ARHGAP8: variants seen among roughly 807,000 people sequenced by gnomAD.
ARHGAP8 encodes rho GTPase-activating protein 8.
ARHGAP8 carries 62 observed loss-of-function variants against 46.1 expected under a neutral mutation model. The observed-to-expected ratio is 1.34, with a 90% CI of 1.10 to 1.66. ARHGAP8 has a LOEUF of 1.66. ARHGAP8 is among the 40% of genes most tolerant of loss of function. The probability of loss-of-function intolerance (pLI) is 0.00; values close to 1 mark genes in which losing one functional copy is unlikely to be tolerated. For synonymous variants in ARHGAP8, 375 were observed against 243.1 expected (o/e 1.54, Z -5.05); for missense variants, 923 against 568.4 (o/e 1.62, Z -6.34).
intron 1 of ARHGAP8, among the ~76,000 whole-genome samples, chr22:44,755,263 C>CTG (rs1170446169): frequency 6.6e-6 from 1 of 152,258 alleles, no homozygotes; most frequent in Non-Finnish European, 1.5e-5. Flanking sequence ...CCCACACACA[C>CTG]TGTGCTGAGC....
chr22:44,848,946 T>G lies in ARHGAP8; in HGVS notation c.763T>G (p.Phe255Val), dbSNP rs763538272. 62 of 1,613,978 alleles carry G rather than the reference T, an allele frequency of 3.8e-5. No homozygotes were observed. The Admixed American group carries it at 1.0e-3, about 26-fold the overall frequency. Residue 255 changes from phenylalanine (F) to valine (V), a missense_variant, in exon 10 of 12, where the codon TTT (phenylalanine) becomes GTT (valine). Transcript: ENST00000356099. ...TGTGTGTGCAGGGAAGCCCGTGAAC[T>G]TTGACGACTACGGGGACATTCACAT... ...RLYNQGKPVN[F>V]DDYGDIHIPA...
intron 2 of ARHGAP8, among the ~76,000 whole-genome samples, chr22:44,801,093 G>A (rs1472471828): frequency 2.2e-5 from 1 of 45,514 alleles, no homozygotes. Context: ...ACCTCTCCCC[G>A]CAGCTGTCCA....
rs567770017 is a variant in ARHGAP8 at position 44,776,925 on chromosome 22, C to G, written c.-71-9532C>G. Among the ~76,000 whole-genome samples the G allele has an allele frequency of 2.0e-5, 3 of 152,206 alleles. No homozygotes were observed. In the East Asian group the frequency reaches 5.8e-4, roughly 30 times the overall value. On this transcript the variant is annotated intron_variant, in intron 1 of 11. Coordinates refer to ENST00000356099, the MANE Select transcript of ARHGAP8 (RefSeq NM_181335.3). ...GTGCCCTGCCTGCTCTGTCCATCAC[C>G]CTCGCTGTCTATGCAGCTTGGGACA...
intron 4 of ARHGAP8, 63 bp from the exon 5 acceptor site, chr22:44,814,609 A>G (rs1569158855): frequency 6.9e-7 from 1 of 1,457,618 alleles, no homozygotes; most frequent in South Asian, 1.2e-5. Context: ...TTTCAGGGTT[A>G]TTGGGCGTGG....
chr22:44,799,819 G>A (rs1382492476), intron 2 of ARHGAP8, among the ~76,000 whole-genome samples: 1 of 135,610 alleles, frequency 7.4e-6, no homozygotes, highest in Non-Finnish European at 1.6e-5. Context: ...AGAATCCAGG[G>A]GGTGGGGGGT....
intron 1 of ARHGAP8, among the ~76,000 whole-genome samples, chr22:44,779,114 T>TG (rs1926639755): frequency 6.6e-6 from 1 of 151,238 alleles, no homozygotes; most frequent in Non-Finnish European, 1.5e-5. Flanking sequence ...TTTTTTTTTT[T>TG]TTTGAGACAG....
chr22:44,849,159 G>A (rs567714866), intron 10 of ARHGAP8, 99 bp downstream of exon 10: 30 of 1,570,644 alleles, frequency 1.9e-5, no homozygotes, highest in African/African-American at 8.1e-5. Flanking sequence ...CCGAGGTGAC[G>A]TGTACCCACC....
intron 7 of ARHGAP8, 23 bp from the exon 8 acceptor site, chr22:44,845,246 G>A (rs143782516): frequency 9.4e-5 from 152 of 1,613,912 alleles, no homozygotes; most frequent in East Asian, 8.2e-4. Context: ...TAAAAACTGC[G>A]ACTTTCTTTT....
chr22:44,822,606 T>C (rs1023419764), intron 6 of ARHGAP8, 137 bp downstream of exon 6: 1 of 715,774 alleles, frequency 1.4e-6, no homozygotes, highest in South Asian at 2.8e-5. Flanking sequence ...ATCTGCGGCA[T>C]CGACAAAGAT....
intron 10 of ARHGAP8, among the ~76,000 whole-genome samples, chr22:44,851,643 A>G (rs1018972915): frequency 6.6e-6 from 1 of 152,180 alleles, no homozygotes; most frequent in African/African-American, 2.4e-5. Flanking sequence ...GTTTGAGTCC[A>G]GCCTGGGAAA....
At chr22:44,860,941 C>T (rs975471477) in intron 11 of ARHGAP8, among the ~76,000 whole-genome samples, 1 of 151,804 alleles carries the variant, frequency 6.6e-6, no homozygotes, top group Non-Finnish European at 1.5e-5. Context: ...GGTTTTACAA[C>T]AATTTTTTTT....
intron 1 of ARHGAP8, among the ~76,000 whole-genome samples, chr22:44,779,654 C>T (rs132490): frequency 0.87 from 130,663 of 149,840 alleles, 57,045 homozygotes; most frequent in Non-Finnish European, 0.89. Context: ...CTCTGCCTAC[C>T]AGGTTCAAGC....
intron 1 of ARHGAP8, among the ~76,000 whole-genome samples, chr22:44,765,036 G>C (rs1287814518): frequency 6.6e-6 from 1 of 152,216 alleles, no homozygotes; most frequent in African/African-American, 2.4e-5. Context: ...GTCCTTGTTT[G>C]GATGATGCAG....
At chr22:44,856,161 T>C (rs764833162) in intron 10 of ARHGAP8, among the ~76,000 whole-genome samples, 11 of 151,766 alleles carry the variant, frequency 7.2e-5, no homozygotes, top group Non-Finnish European at 1.2e-4. Context: ...ACCTCCCACA[T>C]TGGGGATTAC....
At chr22:44,766,783 A>G (rs1400884129) in intron 1 of ARHGAP8, among the ~76,000 whole-genome samples, 1 of 151,390 alleles carries the variant, frequency 6.6e-6, no homozygotes, top group Non-Finnish European at 1.5e-5. Flanking sequence ...GTAGTGGGGC[A>G]GGGTTCTTGC....
intron 1 of ARHGAP8, among the ~76,000 whole-genome samples, chr22:44,779,564 ATTTT>A (rs132489): frequency 7.9e-6 from 1 of 126,268 alleles, no homozygotes; most frequent in African/African-American, 3.0e-5. Context: ...CAGTTTGAGG[ATTTT>A]TTTTTTTTTT....
chr22:44,836,015 T>A (rs1931261227), intron 7 of ARHGAP8, among the ~76,000 whole-genome samples: 1 of 152,146 alleles, frequency 6.6e-6, no homozygotes, highest in Admixed American at 6.5e-5. Flanking sequence ...TGTGCCAATC[T>A]GACTTGCCAG....
rs547769990 is a variant in ARHGAP8, at chr22:44,783,281, ACT to A, written c.-71-3171_-71-3170del. Among the ~76,000 whole-genome samples the A allele has an allele frequency of 5.8e-4, 88 of 151,244 alleles. 1 individual carries two copies. The South Asian group carries it at 0.013, about 23-fold the overall frequency. On this transcript the variant is annotated intron_variant, in intron 1 of 11. Transcript: ENST00000356099. The stretch of plus-strand genomic sequence containing the variant: ...CCTCCCCTGCCTGCAGGGCTTTGCC[ACT>A]CTCTGAGTGCCCCCTCCCCACCCCC...
At chr22:44,777,149 TA>T (rs1433778363) in intron 1 of ARHGAP8, 1 of 152,142 alleles carries the variant, frequency 6.6e-6, no homozygotes, top group East Asian at 1.9e-4. Flanking sequence ...AACACTCTGC[TA>T]TTCTTCAACA....
Sources: gnomAD v4.1 joint callset for allele counts (sites outside exome capture counted in the v4.1 genomes callset) on GRCh38, gnomAD v4.1.1 for gene constraint, MANE v1.5 for transcripts, NCBI Gene and HGNC (gene_info 2026-07-23, HGNC 2026-07-21) for gene names.